The following PLCL2 variants were observed in gnomAD, a reference collection of about 807,000 sequenced individuals.
PLCL2 encodes the protein phospholipase C like 2.
A neutral mutation model predicts 79.6 loss-of-function variants in PLCL2; 4 were observed. That is an observed-to-expected ratio of 0.05 (90% CI 0.02 to 0.11). PLCL2 has a LOEUF of 0.11. Ranked by LOEUF, PLCL2 falls within the 10% of genes least tolerant of loss-of-function variation. The probability of loss-of-function intolerance (pLI) is 1.00; values close to 1 mark genes in which losing one functional copy is unlikely to be tolerated. For missense variants in PLCL2, 895 were observed against 1,291.0 expected, an observed-to-expected ratio of 0.69 and a Z score of 4.70; for synonymous variants, 484 against 457.7, an observed-to-expected ratio of 1.06 and a Z score of -0.73.
chr3:16,961,152 AT>A (rs1427763644), intron 1 of PLCL2, among the ~76,000 whole-genome samples: 1 of 152,228 alleles, frequency 6.6e-6, no homozygotes, highest in Non-Finnish European at 1.5e-5. Context: ...ACCTTCTAAC[AT>A]TTAAAACATA....
chr3:16,911,032 C>T (rs1200098636), intron 1 of PLCL2, among the ~76,000 whole-genome samples: 1 of 152,116 alleles, frequency 6.6e-6, no homozygotes, highest in Non-Finnish European at 1.5e-5. Flanking sequence ...GTGGGTGGAT[C>T]ACTTGAGGCC....
At chr3:16,943,304 C>G (rs1462531234) in intron 1 of PLCL2, among the ~76,000 whole-genome samples, 1 of 152,178 alleles carries the variant, frequency 6.6e-6, no homozygotes, top group Non-Finnish European at 1.5e-5. Flanking sequence ...TGTACTAGCT[C>G]TAAAACCCTT....
chr3:16,985,955 A>G (rs1224046381), intron 1 of PLCL2, among the ~76,000 whole-genome samples: 1 of 152,104 alleles, frequency 6.6e-6, no homozygotes, highest in Admixed American at 6.5e-5. Context: ...AAGCTAGTTA[A>G]TGGAACCATG....
At chr3:16,958,009 G>T (rs1160728357) in intron 1 of PLCL2, among the ~76,000 whole-genome samples, 2 of 152,102 alleles carry the variant, frequency 1.3e-5, no homozygotes, top group Admixed American at 1.3e-4. Flanking sequence ...CTTTTAATTG[G>T]AGCATGCAGT....
chr3:17,014,564 C>T (rs1416921816), intron 2 of PLCL2, 144 bp from the exon 3 acceptor site: 1 of 681,244 alleles, frequency 1.5e-6, no homozygotes, highest in Non-Finnish European at 2.6e-6. Context: ...CAGGATAAAA[C>T]AATCATTAGC....
At chr3:17,073,981 T>A (rs923257060) in intron 5 of PLCL2, among the ~76,000 whole-genome samples, 2 of 152,200 alleles carry the variant, frequency 1.3e-5, no homozygotes, top group South Asian at 4.1e-4. Flanking sequence ...TCTTCCAGAC[T>A]CCTGTTAATG....
At chr3:16,983,188 T>A (rs1199304930) in intron 1 of PLCL2, among the ~76,000 whole-genome samples, 1 of 152,188 alleles carries the variant, frequency 6.6e-6, no homozygotes, top group Non-Finnish European at 1.5e-5. Flanking sequence ...GGATGTGTTT[T>A]GTTTTCTTTA....
chr3:16,939,238 A>G (rs1236289245), intron 1 of PLCL2, among the ~76,000 whole-genome samples: 4 of 152,220 alleles, frequency 2.6e-5, no homozygotes, highest in African/African-American at 9.7e-5. Context: ...CCAAACTACT[A>G]GTGTTTAGTC....
chr3:16,999,369 T>C (rs986613919), intron 1 of PLCL2, among the ~76,000 whole-genome samples: 2 of 152,194 alleles, frequency 1.3e-5, no homozygotes, highest in African/African-American at 4.8e-5. Context: ...GTTTAGAGTA[T>C]TGCAGTGACA....
chr3:17,085,979 A>G (rs187087156), intron 5 of PLCL2, among the ~76,000 whole-genome samples: 23 of 152,352 alleles, frequency 1.5e-4, no homozygotes, highest in Admixed American at 1.4e-3. Context: ...TCAAGATATC[A>G]GTTCTTCCCA....
chr3:16,900,323 A>C (rs921474945), intron 1 of PLCL2, among the ~76,000 whole-genome samples: 4 of 152,240 alleles, frequency 2.6e-5, no homozygotes, highest in African/African-American at 9.6e-5. Context: ...AAAGACAATA[A>C]AAATTTTAAC....
At chr3:17,032,263 T>G (rs150786740) in intron 3 of PLCL2, among the ~76,000 whole-genome samples, 1 of 152,180 alleles carries the variant, frequency 6.6e-6, no homozygotes, top group African/African-American at 2.4e-5. Flanking sequence ...GGGGACCACA[T>G]GGAGACTTCT....
intron 1 of PLCL2, among the ~76,000 whole-genome samples, chr3:16,956,472 A>G (rs1302143013): frequency 6.6e-6 from 1 of 152,086 alleles, no homozygotes; most frequent in African/African-American, 2.4e-5. Flanking sequence ...TTCATCAAGG[A>G]TATTGGTCTA....
chr3:16,995,081 C>T (rs901007940), intron 1 of PLCL2, among the ~76,000 whole-genome samples: 5 of 152,236 alleles, frequency 3.3e-5, no homozygotes, highest in Non-Finnish European at 7.3e-5. Flanking sequence ...TTGTCCTCCC[C>T]ACAAGATCCA....
chr3:17,021,196 G>A (rs2064447635), intron 3 of PLCL2, among the ~76,000 whole-genome samples: 1 of 152,122 alleles, frequency 6.6e-6, no homozygotes, highest in East Asian at 1.9e-4. Context: ...GGAGTTTTGG[G>A]AAAGGTAGAT....
intron 1 of PLCL2, among the ~76,000 whole-genome samples, chr3:16,888,871 A>G (rs576312438): frequency 3.9e-5 from 6 of 152,238 alleles, no homozygotes; most frequent in Admixed American, 1.3e-4. Flanking sequence ...AAAATGAGGT[A>G]TGATTTACAT....
At chr3:17,050,373 A>C (rs1370759522) in intron 4 of PLCL2, among the ~76,000 whole-genome samples, 1 of 152,120 alleles carries the variant, frequency 6.6e-6, no homozygotes, top group Non-Finnish European at 1.5e-5. Flanking sequence ...AAACAACAAA[A>C]TGGAGAAATA....
intron 5 of PLCL2, among the ~76,000 whole-genome samples, chr3:17,086,614 A>C (rs1176919538): frequency 6.6e-6 from 1 of 152,230 alleles, no homozygotes; most frequent in Non-Finnish European, 1.5e-5. Flanking sequence ...CTTCTGCTCT[A>C]TAAAGACAAT....
chr3:16,958,828 T>C (rs2063729303), intron 1 of PLCL2, among the ~76,000 whole-genome samples: 1 of 152,222 alleles, frequency 6.6e-6, no homozygotes. Context: ...AGGCTGGGTT[T>C]GCAGAACTGC....
Sources: allele counts gnomAD v4.1 joint callset (sites outside exome capture counted in the v4.1 genomes callset), GRCh38; gene constraint gnomAD v4.1.1; transcripts MANE v1.5; gene names NCBI Gene and HGNC (gene_info 2026-07-23, HGNC 2026-07-21).